Variants in EIF2S3B observed in about 807,000 individuals in gnomAD.
The protein encoded by EIF2S3B is eukaryotic translation initiation factor 2 subunit gamma B.
Under a neutral mutation model 26.4 loss-of-function variants are expected in EIF2S3B, and 16 were observed. The ratio of observed to expected loss-of-function variants is 0.61; its 90% CI spans 0.41 to 0.92. The LOEUF is 0.92. Among genes scored for constraint, EIF2S3B ranks in the 40% least tolerant of loss-of-function variants. EIF2S3B has a pLI of 0.00. For missense variants in EIF2S3B, 510 were observed against 575.5 expected, an observed-to-expected ratio of 0.89 and a Z score of 1.16; for synonymous variants, 183 against 204.4, an observed-to-expected ratio of 0.90 and a Z score of 0.89.
At chr12:10,521,904 C>G (rs1864836794) in intron 1 of EIF2S3B, among the ~76,000 whole-genome samples, 1 of 152,170 alleles carries the variant, frequency 6.6e-6, no homozygotes, top group South Asian at 2.1e-4. Context: ...GGAAGCAGTT[C>G]TAATCCTTGG....
At chr12:10,521,969 T>C (rs772707587) in intron 1 of EIF2S3B, among the ~76,000 whole-genome samples, 2 of 152,212 alleles carry the variant, frequency 1.3e-5, no homozygotes, top group African/African-American at 4.8e-5. Context: ...AGTTTCCTCA[T>C]GTAAGTAATG....
At chr12:10,516,783 C>G in intron 1 of EIF2S3B, among the ~76,000 whole-genome samples, 1 of 152,034 alleles carries the variant, frequency 6.6e-6, no homozygotes, top group African/African-American at 2.4e-5. Context: ...GAGATACGTC[C>G]CATCAATACC....
At chr12:10,510,624 C>T (rs1425466176), downstream of EIF2S3B, among the ~76,000 whole-genome samples, 1 of 152,198 alleles carries the variant, frequency 6.6e-6, no homozygotes, top group African/African-American at 2.4e-5. Context: ...TCACTGCTTA[C>T]TTCAGAATGA....
exon 2 of EIF2S3B, chr12:10,522,647 C>T: frequency 1.4e-6 from 1 of 697,944 alleles, no homozygotes; most frequent in Non-Finnish European, 2.6e-6. Context: ...TAGAATGGGG[C>T]CCAGTTCTTA....
rs564735377 is a variant in EIF2S3B, at chr12:10,508,489, G to A, written c.*1168G>A. 1.8e-5 allele frequency among the ~76,000 whole-genome samples: 2 copies of A among 109,622 alleles called. No individual in the cohort carries two copies. The highest frequency in any genetic ancestry group is 6.3e-4 in the South Asian group (2 of 3,160). The allele number at this position is 109,622 out of a possible 152,430, so 71.9% of individuals were successfully genotyped here. On this transcript the variant is annotated 3_prime_UTR_variant, in exon 1 of 1. Coordinates refer to ENST00000538173, the MANE Select transcript of EIF2S3B (RefSeq NM_001357734.3). ...ATTATAATATTACTAATTTTTGGAT[G>A]TTTCAAAAGGTCAATAAGTAAAAGA...
intron 1 of EIF2S3B, among the ~76,000 whole-genome samples, chr12:10,521,219 T>TA: frequency 6.6e-6 from 1 of 152,152 alleles, no homozygotes; most frequent in Non-Finnish European, 1.5e-5. Flanking sequence ...CAGATTATCT[T>TA]ATACCACACC....
At position 10,506,747 on chromosome 12, in the gene EIF2S3B, G is replaced by A. The variant is rs1864636724; in HGVS notation, c.845G>A (p.Ser282Asn). ...DDLKGGVAGG[S>N]ILKGVLKVGQ... ...CTTAAGGGAGGTGTAGCTGGTGGTA[G>A]TATCCTAAAAGGAGTATTAAAGGTG... is the stretch of plus-strand genomic sequence containing the variant. The change falls in exon 1 of 1, where the codon AGT becomes AAT. Residue 282 changes from serine (S) to asparagine (N), a missense_variant. Ser to Asn is a conservative substitution (Grantham distance 46). Coordinates refer to ENST00000538173, the MANE Select transcript of EIF2S3B (RefSeq NM_001357734.3). 1.2e-6 allele frequency: 2 copies of A among 1,613,954 alleles called. No homozygotes were observed. The highest frequency in any genetic ancestry group is 2.2e-5 in the East Asian group (1 of 44,898).
chr12:10,510,654 C>A (rs1457300073), downstream of EIF2S3B, among the ~76,000 whole-genome samples: 1 of 152,130 alleles, frequency 6.6e-6, no homozygotes, highest in Non-Finnish European at 1.5e-5. Context: ...AAATAGCATT[C>A]CCCTGTGTGC....
At position 10,507,656 on chromosome 12, in the gene EIF2S3B, T is replaced by TAGTG. The variant is rs1864655846; in HGVS notation, c.*336_*339dup. 6.6e-6 allele frequency among the ~76,000 whole-genome samples: 1 copy of TAGTG among 152,158 alleles called. No homozygotes were observed. On this transcript the variant is annotated 3_prime_UTR_variant, in exon 1 of 1. Transcript: ENST00000538173. Reference sequence around the variant, plus strand: ...TGGCTTTGTCACCTAGGCTGGCATGTAGTGGCATGATCTGCAATCTCTGCC... The same window carrying TAGTG: ...TGGCTTTGTCACCTAGGCTGGCATGTAGTGAGTGGCATGATCTGCAATCTCTGCC...
At chr12:10,512,228 C>T (rs559588040), downstream of EIF2S3B, among the ~76,000 whole-genome samples, 54 of 152,244 alleles carry the variant, frequency 3.5e-4, no homozygotes, top group African/African-American at 1.1e-3. Flanking sequence ...GGACATCTAA[C>T]AATCTTGCAC....
chr12:10,512,291 C>A (rs1170760148), downstream of EIF2S3B, among the ~76,000 whole-genome samples: 1 of 152,052 alleles, frequency 6.6e-6, no homozygotes, highest in African/African-American at 2.4e-5. Context: ...AGCTCTGGAA[C>A]ATTCTATCAC....
intron 1 of EIF2S3B, among the ~76,000 whole-genome samples, chr12:10,513,915 TGA>T (rs72387558): frequency 0.19 from 28,651 of 152,012 alleles, 3,313 homozygotes; most frequent in Middle Eastern, 0.27. Context: ...CTTGGGAGGC[TGA>T]GACAGGAGAA....
intron 1 of EIF2S3B, among the ~76,000 whole-genome samples, chr12:10,520,640 A>C (rs1864821500): frequency 6.6e-6 from 1 of 152,160 alleles, no homozygotes; most frequent in Non-Finnish European, 1.5e-5. Flanking sequence ...AAAACAGTTT[A>C]CCTTTACTTT....
chr12:10,522,464 A>G (rs1864842967), intron 1 of EIF2S3B: 1 of 502,832 alleles, frequency 2.0e-6, no homozygotes, highest in South Asian at 4.0e-5. Context: ...AGGACTTAGA[A>G]CAAAGCATCA....
chr12:10,517,094 C>T (rs558578747), intron 1 of EIF2S3B, among the ~76,000 whole-genome samples: 36 of 151,700 alleles, frequency 2.4e-4, no homozygotes, highest in Admixed American at 7.9e-4. Flanking sequence ...TGTCTCTGCC[C>T]GGCTTTGGTA....
At chr12:10,511,255 A>C (rs1322798607), downstream of EIF2S3B, among the ~76,000 whole-genome samples, 1 of 152,082 alleles carries the variant, frequency 6.6e-6, no homozygotes, top group Non-Finnish European at 1.5e-5. Context: ...AGCTCTGCAA[A>C]ACTTTATATT....
chr12:10,510,061 A>AT (rs1298690400), downstream of EIF2S3B, among the ~76,000 whole-genome samples: 1 of 152,172 alleles, frequency 6.6e-6, no homozygotes, highest in Non-Finnish European at 1.5e-5. Flanking sequence ...TCGACTACTC[A>AT]TATCATCCAA....
rs1296303938 is a variant in EIF2S3B, at chr12:10,506,896, G to A, written c.994G>A (p.Ala332Thr). The A allele has an allele frequency of 1.7e-5, 27 of 1,613,588 alleles. No homozygotes were observed. The highest frequency in any genetic ancestry group is 3.3e-5 in the Admixed American group (2 of 60,008). ...GGAGCATAATGATCTGCAATATGCTGCTCCAGGCGGTCTTATTGGAGTTGG... is the reference window on the plus strand; with the variant it reads ...GGAGCATAATGATCTGCAATATGCTACTCCAGGCGGTCTTATTGGAGTTGG... ...FAEHNDLQYA[A>T]PGGLIGVGTK... is the part of the protein sequence containing the mutation. The change falls in exon 1 of 1, where the codon GCT becomes ACT. Residue 332 changes from alanine (A) to threonine (T), a missense_variant. Coordinates refer to ENST00000538173, the MANE Select transcript of EIF2S3B (RefSeq NM_001357734.3).
At chr12:10,519,821 C>T (rs2137956516) in intron 1 of EIF2S3B, among the ~76,000 whole-genome samples, 1 of 151,630 alleles carries the variant, frequency 6.6e-6, no homozygotes. Context: ...TACCATTTCA[C>T]ACCAGTTAGA....
Sources: allele counts gnomAD v4.1 joint callset (sites outside exome capture counted in the v4.1 genomes callset), GRCh38; gene constraint gnomAD v4.1.1; transcripts MANE v1.5; gene names NCBI Gene and HGNC (gene_info 2026-07-23, HGNC 2026-07-21).